The following SEC24D variants were observed in gnomAD, a reference collection of about 807,000 sequenced individuals.
SEC24D encodes the protein SEC24 homolog D, COPII component.
In SEC24D, 69 loss-of-function variants were observed where a neutral mutation model predicts 116.9. The ratio of observed to expected loss-of-function variants is 0.59; its 90% CI spans 0.49 to 0.72. The LOEUF is 0.72. SEC24D is among the 30% of genes least tolerant of loss of function. The pLI, the probability that SEC24D is intolerant of heterozygous loss-of-function variation, is 0.00. For synonymous variants in SEC24D, 405 were observed against 442.8 expected (o/e 0.91, Z 1.07); for missense variants, 1,131 against 1,264.1 (o/e 0.89, Z 1.60).
chr4:118,752,652 A>G, intron 12 of SEC24D, 45 bp downstream of exon 12: 1 of 1,424,210 alleles, frequency 7.0e-7, no homozygotes, highest in Admixed American at 2.1e-5. Flanking sequence ...AATTAAAGAC[A>G]AAACACCTGA....
intron 10 of SEC24D, chr4:118,760,381 T>A (rs892924327): frequency 6.6e-6 from 1 of 152,234 alleles, no homozygotes; most frequent in African/African-American, 2.4e-5. Context: ...AATTTGACTA[T>A]TCTACATACC....
At chr4:118,757,950 A>G in intron 10 of SEC24D, 105 bp from the exon 11 acceptor site, 4 of 868,054 alleles carry the variant, frequency 4.6e-6, no homozygotes, top group Non-Finnish European at 7.0e-6. Flanking sequence ...TTCATTTAAT[A>G]TTTAGGATAT....
chr4:118,739,052 A>G (rs369422594), intron 18 of SEC24D, 97 bp downstream of exon 18: 1 of 1,154,002 alleles, frequency 8.7e-7, no homozygotes, highest in Admixed American at 1.8e-5. Flanking sequence ...TTTACCCACC[A>G]TAAGGTTGCA....
chr4:118,778,415 C>G lies in SEC24D; in HGVS notation c.1042-10104G>C, dbSNP rs138934741. Among the ~76,000 whole-genome samples the G allele has an allele frequency of 2.5e-3, 377 of 152,112 alleles. 1 individual carries two copies. The highest frequency in any genetic ancestry group is 8.6e-3 in the African/African-American group (359 of 41,504). ...TAGGTTTGTCAAAGATCAGATGGTT[C>G]TAGATGTGTGGTGTTATTTCTGAGG... On this transcript the variant is annotated intron_variant, in intron 8 of 22. Transcript: ENST00000280551.
At chr4:118,795,282 C>T (rs1008448597) in intron 8 of SEC24D, among the ~76,000 whole-genome samples, 2 of 150,882 alleles carry the variant, frequency 1.3e-5, no homozygotes, top group African/African-American at 4.9e-5. Flanking sequence ...AATCTTGGCT[C>T]ACTGCAACAT....
rs35951660 is a variant in SEC24D at position 118,745,062 on chromosome 4, T to TAAA, written c.1708-5_1708-3dup. ...CAGCTTCCCAGGACAGTCTGCTGCCTAAAAAAAAAAAAAAACCCAAAAACC... is the reference window on the plus strand; with the variant it reads ...CAGCTTCCCAGGACAGTCTGCTGCCTAAAAAAAAAAAAAAAAAACCCAAAAACC... On this transcript the variant is annotated splice_region_variant and splice_polypyrimidine_tract_variant and intron_variant, in intron 13 of 22. Coordinates refer to ENST00000280551, the MANE Select transcript of SEC24D (RefSeq NM_014822.4). The TAAA allele has an allele frequency of 4.8e-4, 596 of 1,232,288 alleles. No homozygotes were observed. The highest frequency in any genetic ancestry group is 1.0e-3 in the South Asian group (72 of 71,442). The allele number at this position is 1,232,288 out of a possible 1,614,324, so 76.3% of individuals were successfully genotyped here.
At chr4:118,810,798 A>G (rs1316969736) in intron 6 of SEC24D, among the ~76,000 whole-genome samples, 1 of 152,162 alleles carries the variant, frequency 6.6e-6, no homozygotes, top group African/African-American at 2.4e-5. Flanking sequence ...TCCAAAGACT[A>G]AGACTAAGTC....
Position 118,828,857 on chromosome 4 carries a change from C to T in SEC24D, c.119-4108G>A, listed in dbSNP as rs530885723. On this transcript the variant is annotated intron_variant, in intron 2 of 22. Transcript: ENST00000280551. ...TCCTTAAAATGATCCCACATTCCCC[C>T]GCCAATGGCATCTCTCACCGTTCCC... 6.6e-5 allele frequency among the ~76,000 whole-genome samples: 10 copies of T among 152,326 alleles called. No homozygotes were observed. The South Asian group carries it at 1.2e-3, about 19-fold the overall frequency.
intron 8 of SEC24D, among the ~76,000 whole-genome samples, chr4:118,790,553 A>C (rs1728849671): frequency 6.6e-6 from 1 of 152,168 alleles, no homozygotes; most frequent in South Asian, 2.1e-4. Context: ...AATTAATTAT[A>C]CTGGCTGTGG....
intron 8 of SEC24D, among the ~76,000 whole-genome samples, chr4:118,796,075 G>A (rs1729166555): frequency 1.3e-5 from 2 of 152,196 alleles, no homozygotes; most frequent in Non-Finnish European, 2.9e-5. Context: ...TTGATGGACA[G>A]ATGAACATCA....
At chr4:118,769,334 T>C (rs1313291520) in intron 8 of SEC24D, among the ~76,000 whole-genome samples, 1 of 152,188 alleles carries the variant, frequency 6.6e-6, no homozygotes, top group Non-Finnish European at 1.5e-5. Context: ...CAGCATTAAG[T>C]CTGCCTTCCC....
intron 8 of SEC24D, among the ~76,000 whole-genome samples, chr4:118,770,330 T>C (rs1433145741): frequency 6.6e-6 from 1 of 152,094 alleles, no homozygotes; most frequent in Non-Finnish European, 1.5e-5. Context: ...AGCAAAAGCA[T>C]GCAGGTACAA....
chr4:118,825,891 A>C (rs1286687289), intron 2 of SEC24D, among the ~76,000 whole-genome samples: 1 of 152,110 alleles, frequency 6.6e-6, no homozygotes, highest in East Asian at 1.9e-4. Context: ...TCCTCCAGAA[A>C]GTTTATTCTC....
At position 118,833,624 on chromosome 4, in the gene SEC24D, G is replaced by A; in HGVS notation, c.73C>T (p.His25Tyr). The change falls in exon 2 of 23, where the codon CAT (histidine) becomes TAT (tyrosine). Residue 25 changes from histidine (H) to tyrosine (Y), a missense_variant. By Grantham distance (83) the His-to-Tyr change is moderately conservative. Coordinates refer to ENST00000280551, the MANE Select transcript of SEC24D (RefSeq NM_014822.4). ...PQPGIGLSPPHYGHYGDPSHT... is the reference protein window; with the variant it reads ...PQPGIGLSPPYYGHYGDPSHT... ...GACGGATCCCCATAGTGCCCATAAT[G>A]AGGTGGAGAAAGGCCTATTCCAGGC... The A allele has an allele frequency of 6.2e-7, 1 of 1,614,120 alleles. No individual in the cohort carries two copies. Among genetic ancestry groups the A allele is most frequent in the Non-Finnish European group, 8.5e-7 (1 of 1,179,980 alleles).
chr4:118,780,906 GCTTTTTTT>G (rs1340851766), intron 8 of SEC24D, among the ~76,000 whole-genome samples: 22 of 106,082 alleles, frequency 2.1e-4, no homozygotes, highest in Non-Finnish European at 3.5e-4. Context: ...TGCAACCCCT[GCTTTTTTT>G]TTTTTTTTTT....
At chr4:118,786,292 C>T (rs1370762046) in intron 8 of SEC24D, among the ~76,000 whole-genome samples, 1 of 152,162 alleles carries the variant, frequency 6.6e-6, no homozygotes, top group Non-Finnish European at 1.5e-5. Context: ...ACAGGGTTTT[C>T]TTTTCCTACA....
intron 2 of SEC24D, among the ~76,000 whole-genome samples, chr4:118,830,166 A>T (rs150964133): frequency 6.6e-6 from 1 of 152,268 alleles, no homozygotes; most frequent in Non-Finnish European, 1.5e-5. Context: ...TGCAGAGAGT[A>T]TAATAGCCTG....
chr4:118,776,382 C>T (rs1305483990), intron 8 of SEC24D, among the ~76,000 whole-genome samples: 1 of 152,146 alleles, frequency 6.6e-6, no homozygotes, highest in Non-Finnish European at 1.5e-5. Context: ...GGGAAGGTCA[C>T]ATTAAACTGT....
chr4:118,738,109 C>G, intron 19 of SEC24D, 152 bp downstream of exon 19: 1 of 555,474 alleles, frequency 1.8e-6, no homozygotes, highest in Admixed American at 3.3e-5. Flanking sequence ...AACCACAGCC[C>G]CCCCAAATTG....
Sources: gnomAD v4.1 joint callset for allele counts (sites outside exome capture counted in the v4.1 genomes callset) on GRCh38, gnomAD v4.1.1 for gene constraint, MANE v1.5 for transcripts, NCBI Gene and HGNC (gene_info 2026-07-23, HGNC 2026-07-21) for gene names.